Variants in KLRD1 observed in about 807,000 individuals in gnomAD.
The protein encoded by KLRD1 is killer cell lectin like receptor D1.
A neutral mutation model predicts 22.6 loss-of-function variants in KLRD1; 21 were observed. The observed-to-expected ratio is 0.93, with a 90% CI of 0.66 to 1.34. The LOEUF is 1.34. Ranked by LOEUF, KLRD1 falls within the 40% of genes most tolerant of loss-of-function variation. The pLI is 0.00. For missense variants in KLRD1, 183 were observed against 208.6 expected, an observed-to-expected ratio of 0.88 and a Z score of 0.76; for synonymous variants, 59 against 71.1, an observed-to-expected ratio of 0.83 and a Z score of 0.85.
At chr12:10,253,550 C>T (rs1193849383) in intron 1 of KLRD1, among the ~76,000 whole-genome samples, 1 of 125,258 alleles carries the variant, frequency 8.0e-6, no homozygotes, top group Non-Finnish European at 1.8e-5. Context: ...GATACCTTTT[C>T]TGCTCCTCTC....
intron 1 of KLRD1, among the ~76,000 whole-genome samples, chr12:10,261,526 A>T (rs1383238261): frequency 2.6e-5 from 4 of 152,150 alleles, no homozygotes; most frequent in African/African-American, 9.7e-5. Flanking sequence ...TCTTTTTCTC[A>T]CTGTTCCTCT....
intron 1 of KLRD1, among the ~76,000 whole-genome samples, chr12:10,298,654 A>C (rs1296363744): frequency 5.9e-5 from 9 of 152,240 alleles, no homozygotes; most frequent in Admixed American, 3.3e-4. Flanking sequence ...GAAACCTTTT[A>C]AGGTGTTCTT....
chr12:10,281,981 T>A (rs539849057), intron 1 of KLRD1, among the ~76,000 whole-genome samples: 1 of 152,320 alleles, frequency 6.6e-6, no homozygotes, highest in Non-Finnish European at 1.5e-5. Context: ...ATAATTCTCA[T>A]ACAAATGTAG....
chr12:10,243,473 G>A (rs1401701189), intron 1 of KLRD1, among the ~76,000 whole-genome samples: 1 of 151,758 alleles, frequency 6.6e-6, no homozygotes, highest in African/African-American at 2.4e-5. Context: ...AATTAGCCAG[G>A]TGTGGTGGCA....
chr12:10,322,298 CGGCCTCCTGAA>C lies in KLRD1; in HGVS notation c.*7507_*7517del, dbSNP rs1950318968. ...CTGGCCTCAAGTGATCCACCTGCCT[CGGCCTCCTGAA>C]GTGCTGGGATTACAGGCATGAGCCA... On this transcript the variant is annotated 3_prime_UTR_variant, in exon 6 of 6. Transcript: ENST00000336164. The C allele has an allele frequency of 1.3e-5, 2 of 152,260 alleles. No homozygotes were observed. The highest frequency in any genetic ancestry group is 6.5e-5 in the Admixed American group (1 of 15,282). The allele number at this position is 152,260 out of a possible 1,614,324, so 9.4% of individuals were successfully genotyped here. A position where few individuals can be genotyped will look rare whatever the true frequency, so the allele number is the denominator to read the frequency against.
intron 1 of KLRD1, among the ~76,000 whole-genome samples, chr12:10,291,408 T>C (rs1949769022): frequency 6.6e-6 from 1 of 152,220 alleles, no homozygotes; most frequent in Non-Finnish European, 1.5e-5. Context: ...ACTTTCAAAA[T>C]TGGAATCAAT....
At chr12:10,314,091 A>G (rs948154609) in intron 5 of KLRD1, among the ~76,000 whole-genome samples, 14 of 152,208 alleles carry the variant, frequency 9.2e-5, no homozygotes, top group African/African-American at 3.4e-4. Context: ...AAGAACTTTT[A>G]ACATATGCTT....
Position 10,319,641 on chromosome 12 carries a change from C to G in KLRD1, c.*4848C>G, listed in dbSNP as rs73252815. On this transcript the variant is annotated 3_prime_UTR_variant, in exon 6 of 6. Transcript: ENST00000336164. ...ACCATGCGGCAAGGAACTGAAGACT[C>G]TTACACACAGCCAGCAAGGAACTGA... 0.11 allele frequency: 16,470 copies of G among 152,084 alleles called. 3,020 individuals are homozygous for G. Among genetic ancestry groups the G allele is most frequent in the African/African-American group, 0.38 (15,623 of 41,374 alleles). The allele number at this position is 152,084 out of a possible 1,614,324, so 9.4% of individuals were successfully genotyped here. A position where few individuals can be genotyped will look rare whatever the true frequency, so the allele number is the denominator to read the frequency against.
At position 10,312,772 on chromosome 12, in the gene KLRD1, A is replaced by C. The variant is rs374191392; in HGVS notation, c.316-638A>C. Reference sequence around the variant, plus strand: ...TGGGAGGCCGAGGAGGGCGGATCACAGTCAGGAGATCGAGACCATCCTGGC... The same window carrying C: ...TGGGAGGCCGAGGAGGGCGGATCACCGTCAGGAGATCGAGACCATCCTGGC... On this transcript the variant is annotated intron_variant, in intron 4 of 5. Transcript: ENST00000336164. Among the ~76,000 whole-genome samples the C allele has an allele frequency of 8.0e-5, 12 of 149,450 alleles. No homozygotes were observed. In the East Asian group the frequency reaches 1.5e-3, roughly 18 times the overall value.
chr12:10,255,558 T>A (rs751514917), intron 1 of KLRD1, among the ~76,000 whole-genome samples: 61 of 152,172 alleles, frequency 4.0e-4, no homozygotes, highest in Non-Finnish European at 6.6e-4. Context: ...CTTTAAGATA[T>A]TTTCTAATTT....
chr12:10,273,245 A>T (rs183083014), intron 1 of KLRD1, among the ~76,000 whole-genome samples: 382 of 152,310 alleles, frequency 2.5e-3, no homozygotes, highest in Non-Finnish European at 4.6e-3. Context: ...TTATGTGGAT[A>T]ATTTTCCATG....
At chr12:10,250,866 G>A (rs1565447749) in intron 1 of KLRD1, among the ~76,000 whole-genome samples, 1 of 152,086 alleles carries the variant, frequency 6.6e-6, no homozygotes, top group Non-Finnish European at 1.5e-5. Flanking sequence ...AGAAGATCCA[G>A]ACCAGGAGAA....
At chr12:10,241,765 T>C (rs751978403) in intron 1 of KLRD1, among the ~76,000 whole-genome samples, 1 of 152,212 alleles carries the variant, frequency 6.6e-6, no homozygotes, top group Non-Finnish European at 1.5e-5. Flanking sequence ...TTTGTTTATA[T>C]ATGTGTATGT....
chr12:10,282,981 G>A (rs555850548), intron 1 of KLRD1, among the ~76,000 whole-genome samples: 1 of 152,334 alleles, frequency 6.6e-6, no homozygotes, highest in South Asian at 2.1e-4. Flanking sequence ...TATTATTCAA[G>A]GTAGGTTGAT....
chr12:10,266,477 A>T (rs1216291841), intron 1 of KLRD1, among the ~76,000 whole-genome samples: 3 of 152,058 alleles, frequency 2.0e-5, no homozygotes, highest in Non-Finnish European at 4.4e-5. Flanking sequence ...GTATTTATTT[A>T]ACTGTTATAC....
intron 5 of KLRD1, 101 bp from the exon 6 acceptor site, chr12:10,314,572 C>G: frequency 9.4e-7 from 1 of 1,059,394 alleles, no homozygotes; most frequent in Non-Finnish European, 1.3e-6. Flanking sequence ...ATGTTAGTAT[C>G]TCACTCAAAT....
In KLRD1 at chr12:10,254,427, G is replaced by A. The variant is rs538154725; in HGVS notation, c.-101+28194G>A. Among the ~76,000 whole-genome samples the A allele has an allele frequency of 4.5e-3, 262 of 58,084 alleles. 3 individuals carry two copies. The highest frequency in any genetic ancestry group is 0.013 in the African/African-American group (236 of 18,754). 38.1% of individuals were successfully genotyped at this position (58,084 alleles called of 152,430 possible). A position where few individuals can be genotyped will look rare whatever the true frequency, so the allele number is the denominator to read the frequency against. On this transcript the variant is annotated intron_variant, in intron 1 of 5. Transcript: ENST00000544747. ...AGGCTGGGCGACAGAGCCACACTCC[G>A]TCTCAAAAAAAAAAAAAAAAAAAAA...
chr12:10,286,136 C>G (rs1417180915), intron 1 of KLRD1, among the ~76,000 whole-genome samples: 1 of 152,148 alleles, frequency 6.6e-6, no homozygotes, highest in East Asian at 1.9e-4. Context: ...AGCAGCAACT[C>G]TGTGGTTGGA....
chr12:10,301,390 A>T (rs547975263), upstream of KLRD1, among the ~76,000 whole-genome samples: 20 of 152,330 alleles, frequency 1.3e-4, no homozygotes, highest in South Asian at 4.1e-3. Context: ...GACACATGAT[A>T]GAATGCAGTT....
Sources: gnomAD v4.1 joint callset for allele counts (sites outside exome capture counted in the v4.1 genomes callset) on GRCh38, gnomAD v4.1.1 for gene constraint, MANE v1.5 for transcripts, NCBI Gene and HGNC (gene_info 2026-07-23, HGNC 2026-07-21) for gene names.